STPG2: variants seen among roughly 807,000 people sequenced by gnomAD.
STPG2 encodes sperm-tail PG-rich repeat-containing protein 2.
Under a neutral mutation model 54.2 loss-of-function variants are expected in STPG2, and 56 were observed. The ratio of observed to expected loss-of-function variants is 1.03; its 90% CI spans 0.83 to 1.29. The LOEUF is 1.29. Among genes scored for constraint, STPG2 ranks in the 50% most tolerant of loss-of-function variants. STPG2 has a pLI of 0.00. For missense variants in STPG2, 596 were observed against 544.9 expected (o/e 1.09, Z -0.93); for synonymous variants, 200 against 181.8 (o/e 1.10, Z -0.81).
intron 10 of STPG2, among the ~76,000 whole-genome samples, chr4:97,660,045 C>T (rs1486257748): frequency 6.6e-6 from 1 of 151,702 alleles, no homozygotes; most frequent in Non-Finnish European, 1.5e-5. Context: ...CTCTGTCGCC[C>T]AGGCTGGAGT....
At chr4:97,545,161 G>A (rs1205909851) in intron 4 of STPG2, among the ~76,000 whole-genome samples, 1 of 152,156 alleles carries the variant, frequency 6.6e-6, no homozygotes, top group East Asian at 1.9e-4. Flanking sequence ...GGACAACTAG[G>A]ATTCAGCTAG....
chr4:97,577,633 G>GCTCA (rs1157952792), intron 10 of STPG2, among the ~76,000 whole-genome samples: 2 of 152,068 alleles, frequency 1.3e-5, no homozygotes, highest in Non-Finnish European at 1.5e-5. Context: ...TGGGTATTAT[G>GCTCA]CTCAGTACAT....
intron 8 of STPG2, among the ~76,000 whole-genome samples, chr4:97,903,523 CA>C (rs1165923287): frequency 4.0e-5 from 6 of 150,662 alleles, no homozygotes; most frequent in African/African-American, 1.5e-4. Flanking sequence ...AATATAGAAT[CA>C]AAAATAAAGC....
chr4:97,949,009 G>A (rs1201823027), intron 7 of STPG2, among the ~76,000 whole-genome samples: 1 of 152,046 alleles, frequency 6.6e-6, no homozygotes, highest in African/African-American at 2.4e-5. Flanking sequence ...TCAATGGGGT[G>A]TTGAAGTCCC....
At chr4:97,585,113 A>C (rs1418642428) in intron 10 of STPG2, among the ~76,000 whole-genome samples, 1 of 147,608 alleles carries the variant, frequency 6.8e-6, no homozygotes, top group African/African-American at 2.6e-5. Flanking sequence ...AAAAAAAAAA[A>C]AAAAAAAAAA....
intron 7 of STPG2, among the ~76,000 whole-genome samples, chr4:97,948,463 G>T (rs1163221973): frequency 6.6e-6 from 1 of 151,838 alleles, no homozygotes; most frequent in East Asian, 1.9e-4. Flanking sequence ...CTAGATTTGG[G>T]CTTAGTTTGT....
Position 97,836,979 on chromosome 4 carries a change from C to T in STPG2, c.1204+3794G>A, listed in dbSNP as rs1728655101. Reference sequence around the variant, plus strand: ...CAAGTCCCTGGAAGAGTGCTTAATACATAAGATAGTCTCAATACATATTTG... The same window carrying T: ...CAAGTCCCTGGAAGAGTGCTTAATATATAAGATAGTCTCAATACATATTTG... On this transcript the variant is annotated intron_variant, in intron 9 of 10. Coordinates refer to ENST00000295268, the MANE Select transcript of STPG2 (RefSeq NM_174952.3). Among the ~76,000 whole-genome samples, 3 of 151,162 alleles carry T rather than the reference C, an allele frequency of 2.0e-5. No homozygotes were observed. The Admixed American group carries it at 2.0e-4, about 10-fold the overall frequency.
intron 1 of STPG2, among the ~76,000 whole-genome samples, chr4:98,140,504 C>G (rs1740251418): frequency 6.6e-6 from 1 of 151,856 alleles, no homozygotes; most frequent in African/African-American, 2.4e-5. Flanking sequence ...AAGTCAAGGA[C>G]AGCTAAATGG....
intron 5 of STPG2, among the ~76,000 whole-genome samples, chr4:98,096,164 G>T (rs1332901638): frequency 6.6e-6 from 1 of 152,188 alleles, no homozygotes; most frequent in African/African-American, 2.4e-5. Flanking sequence ...GGAGGCCAAG[G>T]CAGGAGGATT....
chr4:97,943,373 G>A (rs1258800814), intron 8 of STPG2, among the ~76,000 whole-genome samples: 1 of 152,032 alleles, frequency 6.6e-6, no homozygotes, highest in Admixed American at 6.6e-5. Context: ...AATCTGAATT[G>A]CTCAACTACT....
chr4:98,026,156 G>C lies in STPG2; in HGVS notation c.613-44838C>G, dbSNP rs541531518. On this transcript the variant is annotated intron_variant, in intron 5 of 10. Transcript: ENST00000295268. The stretch of plus-strand genomic sequence containing the variant: ...CTATGAAAAGAAGCCCAAGAAAGAA[G>C]TTAAAAAGAGGTGGAATCGTCCCAA... 2.0e-5 allele frequency: 29 copies of C among 1,460,998 alleles called. No homozygotes were observed. The South Asian group carries it at 3.3e-4, about 17-fold the overall frequency. The allele number at this position is 1,460,998 out of a possible 1,614,324, so 90.5% of individuals were successfully genotyped here.
At chr4:98,083,361 G>T (rs540853754) in intron 5 of STPG2, among the ~76,000 whole-genome samples, 20 of 152,244 alleles carry the variant, frequency 1.3e-4, no homozygotes, top group Non-Finnish European at 2.4e-4. Flanking sequence ...ATGTCACATT[G>T]ATATAAATTT....
chr4:97,929,846 G>T (rs559690587), intron 8 of STPG2, among the ~76,000 whole-genome samples: 1 of 152,064 alleles, frequency 6.6e-6, no homozygotes, highest in African/African-American at 2.4e-5. Flanking sequence ...TCTGTTGATA[G>T]TTTCCTTTAC....
intron 4 of STPG2, among the ~76,000 whole-genome samples, chr4:97,493,395 A>T (rs1730542847): frequency 6.6e-6 from 1 of 151,434 alleles, no homozygotes; most frequent in South Asian, 2.1e-4. Context: ...ATCCCGCTGT[A>T]ATAGAAACCT....
chr4:97,473,454 A>G (rs1473331303), intron 4 of STPG2, among the ~76,000 whole-genome samples: 2 of 152,146 alleles, frequency 1.3e-5, no homozygotes, highest in Non-Finnish European at 2.9e-5. Flanking sequence ...TAGCGCTCCC[A>G]GGCTTATTAG....
In STPG2 at chr4:97,976,177, C is replaced by T. The variant is rs1734491867; in HGVS notation, c.773-3737G>A. Among the ~76,000 whole-genome samples, 3 of 152,288 alleles carry T rather than the reference C, an allele frequency of 2.0e-5. No homozygotes were observed. The South Asian group carries it at 6.2e-4, about 32-fold the overall frequency. On this transcript the variant is annotated intron_variant, in intron 6 of 10. Coordinates refer to ENST00000295268, the MANE Select transcript of STPG2 (RefSeq NM_174952.3). ...ATCTACAAAAATTCTGTTGTGCCAACTCTCAGAAAACCTAAGTGCTAATAT... is the reference window on the plus strand; with the variant it reads ...ATCTACAAAAATTCTGTTGTGCCAATTCTCAGAAAACCTAAGTGCTAATAT...
chr4:97,742,543 G>GTA (rs1560510865), intron 9 of STPG2, among the ~76,000 whole-genome samples: 33 of 142,416 alleles, frequency 2.3e-4, no homozygotes, highest in African/African-American at 7.2e-4. Context: ...GTGTGTGTGT[G>GTA]TGTGTGTGTG....
At position 97,986,966 on chromosome 4, in the gene STPG2, T is replaced by C. The variant is rs1042756801; in HGVS notation, c.613-5648A>G. Among the ~76,000 whole-genome samples the C allele has an allele frequency of 2.6e-5, 4 of 152,168 alleles. No individual in the cohort carries two copies. The South Asian group carries it at 6.2e-4, about 24-fold the overall frequency. ...TCTATCTTCTGAAATTGACTTTTAATGTCATATTTTCCAGGCCCTGGTACT... is the reference window on the plus strand; with the variant it reads ...TCTATCTTCTGAAATTGACTTTTAACGTCATATTTTCCAGGCCCTGGTACT... On this transcript the variant is annotated intron_variant, in intron 5 of 10. Coordinates refer to ENST00000295268, the MANE Select transcript of STPG2 (RefSeq NM_174952.3).
intron 8 of STPG2, among the ~76,000 whole-genome samples, chr4:97,859,731 GGATTATATGTGT>G (rs1729455171): frequency 6.6e-6 from 1 of 152,084 alleles, no homozygotes; most frequent in Admixed American, 6.6e-5. Context: ...CAAAGTGCTG[GGATTATATGTGT>G]GATTATATGC....
Sources: allele counts gnomAD v4.1 joint callset (sites outside exome capture counted in the v4.1 genomes callset), GRCh38; gene constraint gnomAD v4.1.1; transcripts MANE v1.5; gene names NCBI Gene and HGNC (gene_info 2026-07-23, HGNC 2026-07-21).